Variants in DCDC2C observed in about 807,000 individuals in gnomAD.
The protein encoded by DCDC2C is doublecortin domain-containing protein 2C.
In DCDC2C, 44 loss-of-function variants were observed where a neutral mutation model predicts 45.0. The observed-to-expected ratio is 0.98, with a 90% CI of 0.77 to 1.26. The LOEUF (loss-of-function observed/expected upper bound fraction) is 1.26, where lower values mean the gene tolerates loss of function less well. DCDC2C is among the 50% of genes most tolerant of loss of function. The pLI is 0.00. For missense variants in DCDC2C, 447 were observed against 468.9 expected, an observed-to-expected ratio of 0.95 and a Z score of 0.43; for synonymous variants, 187 against 178.8, an observed-to-expected ratio of 1.05 and a Z score of -0.37.
chr2:3,755,964 T>C lies in DCDC2C; in HGVS notation c.726+1330T>C, dbSNP rs145102728. On this transcript the variant is annotated intron_variant, in intron 6 of 10. Coordinates refer to ENST00000399143, the MANE Select transcript of DCDC2C (RefSeq NM_001287444.2). ...TACACGTGTATAGAGGCATATGTTT[T>C]TGTGGATGCATACATGGGTATTCAT... Among the ~76,000 whole-genome samples, 22 of 152,076 alleles carry C rather than the reference T, an allele frequency of 1.4e-4. 1 individual carries two copies. The East Asian group carries it at 4.3e-3, about 30-fold the overall frequency.
intron 10 of DCDC2C, among the ~76,000 whole-genome samples, chr2:3,828,673 G>A (rs1309415700): frequency 6.6e-6 from 1 of 152,204 alleles, no homozygotes; most frequent in Admixed American, 6.5e-5. Context: ...CTTAAAACAT[G>A]TTGCCTTTCC....
At chr2:3,834,387 A>G (rs1672023514) in intron 10 of DCDC2C, among the ~76,000 whole-genome samples, 4 of 152,194 alleles carry the variant, frequency 2.6e-5, no homozygotes, top group Admixed American at 2.6e-4. Context: ...ATCACTGTAC[A>G]ATGGGTCTCT....
chr2:3,829,101 G>A (rs1314519903), intron 10 of DCDC2C, among the ~76,000 whole-genome samples: 6 of 152,050 alleles, frequency 3.9e-5, no homozygotes, highest in African/African-American at 1.2e-4. Context: ...AGGAACGCAC[G>A]GTCACGCTGC....
intron 5 of DCDC2C, among the ~76,000 whole-genome samples, chr2:3,753,785 G>A (rs896574950): frequency 6.7e-6 from 1 of 149,566 alleles, no homozygotes; most frequent in Admixed American, 6.6e-5. Flanking sequence ...TCTGGTTCAC[G>A]TGCTGCTAGG....
chr2:3,752,142 C>T (rs1477021482), intron 4 of DCDC2C, among the ~76,000 whole-genome samples: 3 of 152,184 alleles, frequency 2.0e-5, no homozygotes, highest in Non-Finnish European at 4.4e-5. Flanking sequence ...TTGCACTTCT[C>T]TTGTCATATT....
intron 2 of DCDC2C, among the ~76,000 whole-genome samples, chr2:3,712,633 C>T (rs1668245971): frequency 6.6e-6 from 1 of 152,152 alleles, no homozygotes; most frequent in Non-Finnish European, 1.5e-5. Flanking sequence ...GAAATCCTGT[C>T]TCAACAAAAA....
intron 10 of DCDC2C, among the ~76,000 whole-genome samples, chr2:3,831,432 A>G (rs1671950139): frequency 6.6e-6 from 1 of 152,210 alleles, no homozygotes; most frequent in African/African-American, 2.4e-5. Flanking sequence ...ACAGTAAATG[A>G]CCGTACTGAA....
chr2:3,829,339 A>G (rs1268208432), intron 10 of DCDC2C, among the ~76,000 whole-genome samples: 1 of 145,464 alleles, frequency 6.9e-6, no homozygotes, highest in Non-Finnish European at 1.5e-5. Flanking sequence ...AGGAATGGTT[A>G]AAAATGAATT....
intron 1 of DCDC2C, among the ~76,000 whole-genome samples, chr2:3,706,031 T>C (rs1668057309): frequency 6.6e-6 from 1 of 152,140 alleles, no homozygotes; most frequent in South Asian, 2.1e-4. Flanking sequence ...TTTTTTTAGG[T>C]CAGTGAGTCT....
intron 8 of DCDC2C, among the ~76,000 whole-genome samples, chr2:3,773,527 T>C (rs6715805): frequency 0.48 from 72,827 of 152,034 alleles, 17,724 homozygotes; most frequent in East Asian, 0.68. Flanking sequence ...TGTTAAGGAA[T>C]AATTTTCTTA....
rs1334176929 is a variant in DCDC2C, at chr2:3,704,056, C to G, written c.287+18C>G. ...GAGCTCGAGTAAGTGCGCCCGCGCCCCCCACGCGCCCTGCGCCCCTCCCCG... is the reference window on the plus strand; with the variant it reads ...GAGCTCGAGTAAGTGCGCCCGCGCCGCCCACGCGCCCTGCGCCCCTCCCCG... On this transcript the variant is annotated intron_variant, in intron 1 of 10. Coordinates refer to ENST00000399143, the MANE Select transcript of DCDC2C (RefSeq NM_001287444.2). 19 of 1,245,556 alleles carry G rather than the reference C, an allele frequency of 1.5e-5. No individual in the cohort carries two copies. The highest frequency in any genetic ancestry group is 1.9e-5 in the Non-Finnish European group (19 of 994,442). 77.2% of individuals were successfully genotyped at this position (1,245,556 alleles called of 1,614,324 possible). A position where few individuals can be genotyped will look rare whatever the true frequency, so the allele number is the denominator to read the frequency against.
chr2:3,836,869 A>C (rs1267903844), intron 10 of DCDC2C, among the ~76,000 whole-genome samples: 1 of 151,816 alleles, frequency 6.6e-6, no homozygotes, highest in East Asian at 1.9e-4. Flanking sequence ...CTCAAAAAAA[A>C]AAAAAAAGAG....
chr2:3,782,349 A>G (rs1033615467), intron 9 of DCDC2C, among the ~76,000 whole-genome samples: 6 of 152,218 alleles, frequency 3.9e-5, no homozygotes, highest in Non-Finnish European at 2.9e-5. Context: ...ACACTTCCTC[A>G]TCCTCAGAAT....
intron 10 of DCDC2C, among the ~76,000 whole-genome samples, chr2:3,810,956 A>C (rs1366288564): frequency 6.6e-6 from 1 of 152,198 alleles, no homozygotes; most frequent in Non-Finnish European, 1.5e-5. Context: ...TTTTGGTACC[A>C]GTACCACACT....
intron 2 of DCDC2C, among the ~76,000 whole-genome samples, chr2:3,714,453 G>T (rs1483091568): frequency 6.6e-6 from 1 of 151,842 alleles, no homozygotes; most frequent in African/African-American, 2.4e-5. Flanking sequence ...AGAGATTTAG[G>T]CAGATTTGCT....
chr2:3,744,227 T>C (rs925961553), intron 4 of DCDC2C, among the ~76,000 whole-genome samples: 1 of 151,934 alleles, frequency 6.6e-6, no homozygotes, highest in African/African-American at 2.4e-5. Context: ...AGTTGGTCCA[T>C]GAGGTGAGAG....
intron 10 of DCDC2C, among the ~76,000 whole-genome samples, chr2:3,814,060 C>G (rs951695375): frequency 1.3e-5 from 2 of 151,952 alleles, no homozygotes; most frequent in Non-Finnish European, 2.9e-5. Flanking sequence ...ATGTTTTTTC[C>G]TTTCCATATT....
rs189058773 is a variant in DCDC2C, at chr2:3,817,829, A to G, written c.1066-29325A>G. ...GGAGTGGCTAAAGGATTTAGGATCT[A>G]TGGGGTCAGCTAGGTTTCCTTTTGT... On this transcript the variant is annotated intron_variant, in intron 10 of 10. Transcript: ENST00000399143. Among the ~76,000 whole-genome samples the G allele has an allele frequency of 5.3e-3, 810 of 152,274 alleles. 3 individuals are homozygous for G. The highest frequency in any genetic ancestry group is 8.1e-3 in the Non-Finnish European group (548 of 68,016).
intron 10 of DCDC2C, among the ~76,000 whole-genome samples, chr2:3,797,764 T>C (rs1671000848): frequency 6.6e-6 from 1 of 152,034 alleles, no homozygotes; most frequent in Admixed American, 6.6e-5. Context: ...TTCTTTTACA[T>C]TTGCTGAGGA....
Sources: allele counts gnomAD v4.1 joint callset (sites outside exome capture counted in the v4.1 genomes callset), GRCh38; gene constraint gnomAD v4.1.1; transcripts MANE v1.5; gene names NCBI Gene and HGNC (gene_info 2026-07-23, HGNC 2026-07-21).